UST: variants seen among roughly 807,000 people sequenced by gnomAD.
The protein encoded by UST is uronyl 2-sulfotransferase.
UST carries 21 observed loss-of-function variants against 45.6 expected under a neutral mutation model. The observed-to-expected ratio is 0.46, with a 90% CI of 0.33 to 0.66. The LOEUF (loss-of-function observed/expected upper bound fraction) is 0.66, where lower values mean the gene tolerates loss of function less well. Among genes scored for constraint, UST ranks in the 30% least tolerant of loss-of-function variants. The probability of loss-of-function intolerance (pLI) is 0.02; values close to 1 mark genes in which losing one functional copy is unlikely to be tolerated. For synonymous variants in UST, 215 were observed against 200.6 expected, an observed-to-expected ratio of 1.07 and a Z score of -0.61; for missense variants, 463 against 512.4, an observed-to-expected ratio of 0.90 and a Z score of 0.93.
At chr6:149,019,572 T>A (rs1775950597) in intron 6 of UST, among the ~76,000 whole-genome samples, 1 of 152,098 alleles carries the variant, frequency 6.6e-6, no homozygotes, top group Admixed American at 6.5e-5. Context: ...AAATGTCACA[T>A]AAAATGTGAT....
intron 7 of UST, among the ~76,000 whole-genome samples, chr6:149,037,923 G>C (rs1052828786): frequency 6.6e-6 from 1 of 152,194 alleles, no homozygotes; most frequent in African/African-American, 2.4e-5. Flanking sequence ...CAGTGGGCAA[G>C]ACCACTCCTA....
At chr6:149,039,118 G>T (rs1776275634) in intron 7 of UST, among the ~76,000 whole-genome samples, 1 of 152,082 alleles carries the variant, frequency 6.6e-6, no homozygotes, top group African/African-American at 2.4e-5. Flanking sequence ...AGACTTTCCT[G>T]TGTTCTCTGC....
Position 149,075,791 on chromosome 6 carries a change from C to G in UST, c.*1675C>G, listed in dbSNP as rs1776881811. ...TCATATTTGTCCCCTAGAGCCAGCC[C>G]TAGCAAATGTGTGAGTTGGGAGTAG... On this transcript the variant is annotated 3_prime_UTR_variant, in exon 8 of 8. Coordinates refer to ENST00000367463, the MANE Select transcript of UST (RefSeq NM_005715.3). 1 of 152,276 alleles carries G rather than the reference C, an allele frequency of 6.6e-6. No homozygotes were observed. The highest frequency in any genetic ancestry group is 2.1e-4 in the South Asian group (1 of 4,830). The allele number at this position is 152,276 out of a possible 1,614,324, so 9.4% of individuals were successfully genotyped here. A position where few individuals can be genotyped will look rare whatever the true frequency, so the allele number is the denominator to read the frequency against.
In UST at chr6:148,797,319, A is replaced by C. The variant is rs1776971640; in HGVS notation, c.247+49642A>C. Among the ~76,000 whole-genome samples, 4 of 152,178 alleles carry C rather than the reference A, an allele frequency of 2.6e-5. 1 individual carries two copies. In the South Asian group the frequency reaches 8.3e-4, roughly 32 times the overall value. On this transcript the variant is annotated intron_variant, in intron 1 of 7. Coordinates refer to ENST00000367463, the MANE Select transcript of UST (RefSeq NM_005715.3). Reference sequence around the variant, plus strand: ...AAACCAAACAAACAAGCAAACAAACAAACCCCACAAAACAACAGCAACAAC... The same window carrying C: ...AAACCAAACAAACAAGCAAACAAACCAACCCCACAAAACAACAGCAACAAC...
chr6:149,017,795 T>TAC (rs1300956547), intron 5 of UST, among the ~76,000 whole-genome samples: 1 of 51,086 alleles, frequency 2.0e-5, no homozygotes, highest in African/African-American at 9.0e-5. Flanking sequence ...TGAATATCCA[T>TAC]ATATACACAC....
chr6:149,058,691 T>G (rs1008911931), intron 7 of UST, among the ~76,000 whole-genome samples: 4 of 152,210 alleles, frequency 2.6e-5, no homozygotes, highest in African/African-American at 9.7e-5. Context: ...TTCTCAATAC[T>G]TATATCAAAT....
chr6:149,029,136 C>A (rs1776096867), intron 7 of UST, among the ~76,000 whole-genome samples: 1 of 151,642 alleles, frequency 6.6e-6, no homozygotes, highest in African/African-American at 2.4e-5. Flanking sequence ...CAATTTGAGG[C>A]CTAAAAATGA....
chr6:148,765,015 A>G (rs534783037), intron 1 of UST, among the ~76,000 whole-genome samples: 30 of 152,158 alleles, frequency 2.0e-4, no homozygotes, highest in Non-Finnish European at 4.3e-4. Context: ...TTCTTTTCCC[A>G]ACGCTGTTAA....
chr6:148,848,073 G>A (rs1459891197), intron 1 of UST, among the ~76,000 whole-genome samples: 2 of 152,034 alleles, frequency 1.3e-5, no homozygotes, highest in Admixed American at 6.5e-5. Flanking sequence ...GACCAGACAC[G>A]GAAAAAAATC....
chr6:148,881,507 G>A lies in UST; in HGVS notation c.248-5479G>A, dbSNP rs145648092. On this transcript the variant is annotated intron_variant, in intron 1 of 7. Coordinates refer to ENST00000367463, the MANE Select transcript of UST (RefSeq NM_005715.3). ...ATGTCCTGCCTGGCACAGTGCTGCC[G>A]TCTGGATCTGAGCCTGGGGTGCCCT... Among the ~76,000 whole-genome samples, 68 of 152,286 alleles carry A rather than the reference G, an allele frequency of 4.5e-4. No individual in the cohort carries two copies. In the Middle Eastern group the frequency reaches 0.01, roughly 23 times the overall value.
intron 7 of UST, among the ~76,000 whole-genome samples, chr6:149,059,839 A>G (rs968846421): frequency 2.0e-5 from 3 of 152,140 alleles, no homozygotes; most frequent in Admixed American, 6.5e-5. Context: ...AGCCCGTCCA[A>G]CAGCTGCCCT....
At chr6:148,848,227 T>G (rs1032728186) in intron 1 of UST, among the ~76,000 whole-genome samples, 2 of 152,198 alleles carry the variant, frequency 1.3e-5, no homozygotes, top group Non-Finnish European at 2.9e-5. Flanking sequence ...CACTTAGCTT[T>G]GGTGAGTTTA....
At chr6:148,774,494 T>C (rs6931515) in intron 1 of UST, among the ~76,000 whole-genome samples, 70,475 of 151,890 alleles carry the variant, frequency 0.46, 16,596 homozygotes, top group Non-Finnish European at 0.49. Flanking sequence ...AGTTTAAACT[T>C]TTAAAGCATT....
chr6:148,815,593 C>T (rs1185685355), intron 1 of UST, among the ~76,000 whole-genome samples: 3 of 152,062 alleles, frequency 2.0e-5, no homozygotes, highest in Non-Finnish European at 4.4e-5. Flanking sequence ...AAAAATCACC[C>T]TTTAATTTTA....
chr6:149,015,447 A>C (rs1389762097), intron 5 of UST, among the ~76,000 whole-genome samples: 1 of 152,152 alleles, frequency 6.6e-6, no homozygotes, highest in Admixed American at 6.5e-5. Flanking sequence ...CCCAATGATA[A>C]AAAGGGCTAG....
chr6:148,762,636 C>A (rs72995036), intron 1 of UST, among the ~76,000 whole-genome samples: 15 of 151,858 alleles, frequency 9.9e-5, no homozygotes, highest in Non-Finnish European at 1.8e-4. Context: ...GTACCCATTA[C>A]CCAAATAGTG....
intron 1 of UST, among the ~76,000 whole-genome samples, chr6:148,827,106 A>C (rs1777583715): frequency 6.6e-6 from 1 of 152,232 alleles, no homozygotes; most frequent in Non-Finnish European, 1.5e-5. Flanking sequence ...CCTGAAATGC[A>C]GAAGATGCTT....
chr6:148,999,044 C>A (rs1158827428), intron 5 of UST, among the ~76,000 whole-genome samples: 1 of 152,208 alleles, frequency 6.6e-6, no homozygotes, highest in Non-Finnish European at 1.5e-5. Flanking sequence ...TGGAATGCAC[C>A]TTTTCCAGCA....
intron 2 of UST, among the ~76,000 whole-genome samples, chr6:148,910,227 G>T (rs1177015521): frequency 7.3e-6 from 1 of 137,168 alleles, no homozygotes; most frequent in Non-Finnish European, 1.5e-5. Flanking sequence ...CACAACCTCC[G>T]CCTCCTGGGT....
Sources: allele counts gnomAD v4.1 joint callset (sites outside exome capture counted in the v4.1 genomes callset), GRCh38; gene constraint gnomAD v4.1.1; transcripts MANE v1.5; gene names NCBI Gene and HGNC (gene_info 2026-07-23, HGNC 2026-07-21).